Variants in TBC1D1 observed in about 807,000 individuals in gnomAD.
TBC1D1 encodes TBC1 domain family member 1.
A neutral mutation model predicts 125.6 loss-of-function variants in TBC1D1; 89 were observed. The ratio of observed to expected loss-of-function variants is 0.71; its 90% confidence interval spans 0.60 to 0.85. The LOEUF is 0.85. Ranked by LOEUF, TBC1D1 falls within the 40% of genes least tolerant of loss-of-function variation. TBC1D1 has a pLI of 0.00. For missense variants in TBC1D1, 1,377 were observed against 1,469.2 expected, an observed-to-expected ratio of 0.94 and a Z score of 1.03; for synonymous variants, 565 against 564.1, an observed-to-expected ratio of 1.00 and a Z score of -0.02.
intron 18 of TBC1D1, chr4:38,132,599 A>T (rs538022726): frequency 6.0e-6 from 1 of 166,232 alleles, no homozygotes; most frequent in East Asian, 1.9e-4. Context: ...AAACAGTCCC[A>T]TTACTTAGCT....
intron 2 of TBC1D1, among the ~76,000 whole-genome samples, chr4:37,949,272 A>G (rs907781977): frequency 6.6e-6 from 1 of 152,252 alleles, no homozygotes; most frequent in Admixed American, 6.5e-5. Context: ...GACTTAGGTT[A>G]CAGGTATCAA....
intron 12 of TBC1D1, among the ~76,000 whole-genome samples, chr4:38,086,036 A>C (rs1757424349): frequency 6.6e-6 from 1 of 152,232 alleles, no homozygotes; most frequent in Admixed American, 6.5e-5. Context: ...CTGATTCAGC[A>C]GGCCAAATTT....
intron 6 of TBC1D1, among the ~76,000 whole-genome samples, chr4:38,025,843 T>C (rs1034526916): frequency 1.3e-5 from 2 of 152,234 alleles, no homozygotes; most frequent in African/African-American, 4.8e-5. Flanking sequence ...GACAGCTTGC[T>C]GAAAGAGTGA....
At chr4:38,054,519 T>C (rs1242968010) in intron 12 of TBC1D1, among the ~76,000 whole-genome samples, 181 bp downstream of exon 14, 1 of 152,158 alleles carries the variant, frequency 6.6e-6, no homozygotes, top group Non-Finnish European at 1.5e-5. Context: ...AGGGAAGGAA[T>C]TTAAAGCTAA....
chr4:38,080,380 ACT>A (rs1756342103), intron 12 of TBC1D1, among the ~76,000 whole-genome samples: 1 of 152,044 alleles, frequency 6.6e-6, no homozygotes, highest in Non-Finnish European at 1.5e-5. Flanking sequence ...CTGCCCATGC[ACT>A]CTCTGCTGTT....
chr4:38,028,811 G>A (rs1030840476), intron 7 of TBC1D1, among the ~76,000 whole-genome samples: 1 of 152,166 alleles, frequency 6.6e-6, no homozygotes, highest in East Asian at 1.9e-4. Context: ...CCTAAGTGTG[G>A]GAGTCGAATG....
chr4:37,898,761 G>A (rs3893297), intron 1 of TBC1D1, among the ~76,000 whole-genome samples: 43,975 of 151,970 alleles, frequency 0.29, 6,593 homozygotes, highest in Admixed American at 0.33. Context: ...TAACTGTGGC[G>A]GGCTAACGTG....
At chr4:38,108,720 T>G (rs1326105101) in intron 15 of TBC1D1, among the ~76,000 whole-genome samples, 1 of 152,218 alleles carries the variant, frequency 6.6e-6, no homozygotes, top group African/African-American at 2.4e-5. Context: ...GCCTGCCTGG[T>G]GTCCAGAAGA....
chr4:38,130,217 A>G (rs536099292), intron 18 of TBC1D1, among the ~76,000 whole-genome samples: 35 of 152,362 alleles, frequency 2.3e-4, no homozygotes, highest in Non-Finnish European at 4.4e-5. Flanking sequence ...ATTTGATACA[A>G]TGTTAAGTAA....
chr4:38,033,340 G>C (rs1241770079), intron 7 of TBC1D1, among the ~76,000 whole-genome samples: 1 of 151,918 alleles, frequency 6.6e-6, no homozygotes, highest in African/African-American at 2.4e-5. Flanking sequence ...CTGCTCAGAG[G>C]CCTCATAATT....
Position 38,138,245 on chromosome 4 carries a change from G to A in TBC1D1, c.*910G>A, listed in dbSNP as rs1425183812. ...AGCTGACACCTTTTAGACCCTACCA[G>A]GTATTGCTAGCATGTGAGCTGCAGT... is the stretch of plus-strand genomic sequence containing the variant. On this transcript the variant is annotated 3_prime_UTR_variant, in exon 20 of 20. Coordinates refer to ENST00000261439, the MANE Select transcript of TBC1D1 (RefSeq NM_015173.4). 6.6e-6 allele frequency: 1 copy of A among 152,138 alleles called. No individual in the cohort carries two copies. The highest frequency in any genetic ancestry group is 1.5e-5 in the Non-Finnish European group (1 of 68,022). 9.4% of individuals were successfully genotyped at this position (152,138 alleles called of 1,614,324 possible). A position where few individuals can be genotyped will look rare whatever the true frequency, so the allele number is the denominator to read the frequency against.
At chr4:37,954,593 G>A (rs1471132509) in intron 2 of TBC1D1, among the ~76,000 whole-genome samples, 1 of 152,170 alleles carries the variant, frequency 6.6e-6, no homozygotes, top group Non-Finnish European at 1.5e-5. Flanking sequence ...TGGAAGTCAT[G>A]TCAAGAATGG....
chr4:37,902,047 C>G lies in TBC1D1; in HGVS notation c.-49C>G, dbSNP rs779225275. ...GTAAAATAGATTGCTTGATCCAAAA[C>G]AGAAAAACAGTGATAACTGTTTTGC... On this transcript the variant is annotated 5_prime_UTR_variant, in exon 2 of 20. Coordinates refer to ENST00000261439, the MANE Select transcript of TBC1D1 (RefSeq NM_015173.4). The G allele has an allele frequency of 6.6e-7, 1 of 1,524,306 alleles. No individual in the cohort carries two copies. Among genetic ancestry groups the G allele is most frequent in the East Asian group, 2.3e-5 (1 of 44,150 alleles). 94.4% of individuals were successfully genotyped at this position (1,524,306 alleles called of 1,614,324 possible).
At chr4:38,119,900 C>T (rs1162473262) in intron 17 of TBC1D1, 1 of 982,410 alleles carries the variant, frequency 1.0e-6, no homozygotes, top group Non-Finnish European at 1.2e-6. Context: ...CATCTCTGCC[C>T]TGGGGCCCCA....
At chr4:38,002,972 T>A (rs1739362501) in intron 2 of TBC1D1, among the ~76,000 whole-genome samples, 1 of 152,182 alleles carries the variant, frequency 6.6e-6, no homozygotes, top group African/African-American at 2.4e-5. Flanking sequence ...TCTACCTGAG[T>A]CAGCATAGCA....
intron 12 of TBC1D1, among the ~76,000 whole-genome samples, chr4:38,085,738 A>T (rs1485521490): frequency 6.6e-6 from 1 of 152,232 alleles, no homozygotes; most frequent in Non-Finnish European, 1.5e-5. Context: ...AGCCCTCCTT[A>T]GACCACCTAA....
At chr4:38,013,034 C>T (rs1741867617) in intron 2 of TBC1D1, among the ~76,000 whole-genome samples, 1 of 152,142 alleles carries the variant, frequency 6.6e-6, no homozygotes, top group African/African-American at 2.4e-5. Flanking sequence ...ACCTCCTGAT[C>T]TGCCCTCCTT....
intron 2 of TBC1D1, among the ~76,000 whole-genome samples, chr4:37,962,897 AGT>A (rs1166751801): frequency 6.6e-6 from 1 of 152,252 alleles, no homozygotes; most frequent in Non-Finnish European, 1.5e-5. Flanking sequence ...TTTGATTTAA[AGT>A]GTGTCTGTGG....
In TBC1D1 at chr4:38,103,244, C is replaced by T. The variant is rs955644561; in HGVS notation, c.2557+87C>T. On this transcript the variant is annotated intron_variant, in intron 15 of 19. Transcript: ENST00000261439. ...GAGACTGTCCAAGTTATGTATTGAC[C>T]TGCCTTTAGGTTTAGCAATCAAAAT... The T allele has an allele frequency of 4.3e-6, 6 of 1,408,504 alleles. No individual in the cohort carries two copies. The African/African-American group carries it at 8.7e-5, about 20-fold the overall frequency. 87.3% of individuals were successfully genotyped at this position (1,408,504 alleles called of 1,614,324 possible).
Sources: allele counts gnomAD v4.1 joint callset (sites outside exome capture counted in the v4.1 genomes callset), GRCh38; gene constraint gnomAD v4.1.1; transcripts MANE v1.5; gene names NCBI Gene and HGNC (gene_info 2026-07-23, HGNC 2026-07-21).